Variants in UBE4B observed in about 807,000 individuals in gnomAD.
UBE4B encodes the protein ubiquitin conjugation factor E4 B.
Under a neutral mutation model 148.1 loss-of-function variants are expected in UBE4B, and 27 were observed. That is an observed-to-expected ratio of 0.18 (90% CI 0.13 to 0.25). The LOEUF is 0.25. Among genes scored for constraint, UBE4B ranks in the 10% least tolerant of loss-of-function variants. The probability of loss-of-function intolerance (pLI) is 1.00; values close to 1 mark genes in which losing one functional copy is unlikely to be tolerated. For missense variants in UBE4B, 1,170 were observed against 1,662.4 expected, an observed-to-expected ratio of 0.70 and a Z score of 5.15; for synonymous variants, 596 against 619.3, an observed-to-expected ratio of 0.96 and a Z score of 0.56.
intron 1 of UBE4B, among the ~76,000 whole-genome samples, chr1:10,055,648 A>G (rs1284486476): frequency 6.6e-6 from 1 of 152,154 alleles, no homozygotes; most frequent in East Asian, 1.9e-4. Context: ...GGCCAGGCGC[A>G]GTGGCTCATG....
In UBE4B at chr1:10,180,136, G is replaced by A. The variant is rs1254063603; in HGVS notation, c.*180G>A. The A allele has an allele frequency of 7.7e-6, 5 of 649,736 alleles. No individual in the cohort carries two copies. Among genetic ancestry groups the A allele is most frequent in the Non-Finnish European group, 8.0e-6 (3 of 376,708 alleles). 40.2% of individuals were successfully genotyped at this position (649,736 alleles called of 1,614,324 possible). A position where few individuals can be genotyped will look rare whatever the true frequency, so the allele number is the denominator to read the frequency against. ...AGGACATGGATGAGAAGAGGAGCCCGCTTCCTGTACATATATTTAAGTGAC... is the reference window on the plus strand; with the variant it reads ...AGGACATGGATGAGAAGAGGAGCCCACTTCCTGTACATATATTTAAGTGAC... On this transcript the variant is annotated 3_prime_UTR_variant, in exon 28 of 28. Transcript: ENST00000343090.
chr1:10,129,942 GCA>G (rs1288560874), intron 12 of UBE4B, among the ~76,000 whole-genome samples: 1 of 150,428 alleles, frequency 6.6e-6, no homozygotes, highest in African/African-American at 2.4e-5. Context: ...GTGAGCCACC[GCA>G]CCGGGCCTGT....
chr1:10,045,364 C>T (rs915415322), intron 1 of UBE4B, among the ~76,000 whole-genome samples: 1 of 152,162 alleles, frequency 6.6e-6, no homozygotes, highest in Non-Finnish European at 1.5e-5. Context: ...CACACTCAGG[C>T]AATGCAACCT....
At chr1:10,048,272 A>C (rs1643955943) in intron 1 of UBE4B, among the ~76,000 whole-genome samples, 1 of 152,226 alleles carries the variant, frequency 6.6e-6, no homozygotes, top group South Asian at 2.1e-4. Flanking sequence ...GAAGATTGGG[A>C]GGGAGACGTT....
At chr1:10,088,705 G>A (rs1046680789) in intron 2 of UBE4B, among the ~76,000 whole-genome samples, 1 of 148,766 alleles carries the variant, frequency 6.7e-6, no homozygotes, top group Non-Finnish European at 1.5e-5. Context: ...TTTGAGACAG[G>A]TTCTCCCTCT....
intron 1 of UBE4B, among the ~76,000 whole-genome samples, chr1:10,062,318 G>A (rs78371026): frequency 6.7e-6 from 1 of 149,484 alleles, no homozygotes; most frequent in Non-Finnish European, 1.5e-5. Context: ...GTGTTTTTTT[G>A]TTTGTTTCTT....
At chr1:10,100,552 TTTTA>T (rs1001105831) in intron 3 of UBE4B, among the ~76,000 whole-genome samples, 1 of 152,052 alleles carries the variant, frequency 6.6e-6, no homozygotes. Flanking sequence ...AATGATATAC[TTTTA>T]TTTATTTATT....
At chr1:10,167,474 T>TAATAATAATAATAACGAC (rs535397393) in intron 23 of UBE4B, among the ~76,000 whole-genome samples, 5 of 149,642 alleles carry the variant, frequency 3.3e-5, no homozygotes, top group African/African-American at 9.9e-5. Flanking sequence ...ATAATAATAA[T>TAATAATAATAATAACGAC]GACTAAGTAA....
chr1:10,127,228 CA>C (rs1278726040), intron 11 of UBE4B, among the ~76,000 whole-genome samples: 1 of 151,432 alleles, frequency 6.6e-6, no homozygotes, highest in Non-Finnish European at 1.5e-5. Flanking sequence ...ATTAAAAATG[CA>C]AATAAAAAAG....
At chr1:10,044,088 G>T (rs1209452776) in intron 1 of UBE4B, among the ~76,000 whole-genome samples, 1 of 151,834 alleles carries the variant, frequency 6.6e-6, no homozygotes, top group African/African-American at 2.4e-5. Flanking sequence ...ACTCACGCTG[G>T]AGTGCAGTGG....
chr1:10,093,278 T>C (rs1198550294), intron 2 of UBE4B, among the ~76,000 whole-genome samples: 1 of 152,228 alleles, frequency 6.6e-6, no homozygotes, highest in African/African-American at 2.4e-5. Flanking sequence ...AATATTCTCC[T>C]AAGAACCTTG....
chr1:10,085,666 A>G (rs142746106), intron 2 of UBE4B, among the ~76,000 whole-genome samples: 1 of 152,334 alleles, frequency 6.6e-6, no homozygotes, highest in African/African-American at 2.4e-5. Flanking sequence ...TTTTTTTAAC[A>G]TCAGTTCTAT....
At chr1:10,050,996 A>G (rs1403820118) in intron 1 of UBE4B, among the ~76,000 whole-genome samples, 1 of 152,104 alleles carries the variant, frequency 6.6e-6, no homozygotes, top group African/African-American at 2.4e-5. Context: ...ACATACTTGC[A>G]GGCTTTTTTG....
chr1:10,101,749 C>T (rs1645015872), intron 4 of UBE4B, among the ~76,000 whole-genome samples: 2 of 152,052 alleles, frequency 1.3e-5, no homozygotes, highest in Admixed American at 6.6e-5. Flanking sequence ...ACCTTATGAT[C>T]CACCTGCCTT....
At chr1:10,075,789 T>G (rs972526694) in intron 2 of UBE4B, among the ~76,000 whole-genome samples, 3 of 152,214 alleles carry the variant, frequency 2.0e-5, no homozygotes, top group African/African-American at 7.2e-5. Flanking sequence ...CAGTGGCTCA[T>G]GCCTGTAATC....
chr1:10,055,604 G>C (rs997401618), intron 1 of UBE4B, among the ~76,000 whole-genome samples: 1 of 152,138 alleles, frequency 6.6e-6, no homozygotes, highest in Non-Finnish European at 1.5e-5. Flanking sequence ...ACCAGAATCA[G>C]TTTTATGGAA....
intron 1 of UBE4B, among the ~76,000 whole-genome samples, chr1:10,045,659 T>C (rs1035037962): frequency 6.6e-6 from 1 of 151,934 alleles, no homozygotes; most frequent in Non-Finnish European, 1.5e-5. Context: ...GTGAAGAGAA[T>C]AGATAAGGAG....
At chr1:10,039,008 C>T (rs565889668) in intron 1 of UBE4B, among the ~76,000 whole-genome samples, 11 of 151,820 alleles carry the variant, frequency 7.2e-5, no homozygotes, top group South Asian at 2.1e-4. Context: ...TGCAGTGAGC[C>T]GAGATTGCGC....
At position 10,043,770 on chromosome 1, in the gene UBE4B, G is replaced by C. The variant is rs1643863635; in HGVS notation, c.24+10076G>C. Among the ~76,000 whole-genome samples the C allele has an allele frequency of 1.3e-5, 2 of 152,162 alleles. 1 individual carries two copies. Among genetic ancestry groups the C allele is most frequent in the Non-Finnish European group, 2.9e-5 (2 of 68,036 alleles). Reference sequence around the variant, plus strand: ...TAGATGGTGTAATCACCGTTGGCCAGGTGGCAGTTGTGACATAGTTGTCAT... The same window carrying C: ...TAGATGGTGTAATCACCGTTGGCCACGTGGCAGTTGTGACATAGTTGTCAT... On this transcript the variant is annotated intron_variant, in intron 1 of 27. Coordinates refer to ENST00000343090, the MANE Select transcript of UBE4B (RefSeq NM_001105562.3).
Sources: allele counts gnomAD v4.1 joint callset (sites outside exome capture counted in the v4.1 genomes callset), GRCh38; gene constraint gnomAD v4.1.1; transcripts MANE v1.5; gene names NCBI Gene and HGNC (gene_info 2026-07-23, HGNC 2026-07-21).